The following CLPTM1L variants were observed in gnomAD, a reference collection of about 807,000 sequenced individuals.
The protein encoded by CLPTM1L is lipid scramblase CLPTM1L.
In CLPTM1L, 38 loss-of-function variants were observed where a neutral mutation model predicts 70.9. That is an observed-to-expected ratio of 0.54 (90% confidence interval 0.41 to 0.70). The LOEUF is 0.70. Among genes scored for constraint, CLPTM1L ranks in the 30% least tolerant of loss-of-function variants. CLPTM1L has a pLI of 0.00. For synonymous variants in CLPTM1L, 339 were observed against 299.9 expected (o/e 1.13, Z -1.35); for missense variants, 652 against 705.9 (o/e 0.92, Z 0.87).
chr5:1,336,893 C>A (rs2111246891), intron 5 of CLPTM1L, among the ~76,000 whole-genome samples: 1 of 152,298 alleles, frequency 6.6e-6, no homozygotes, highest in East Asian at 1.9e-4. Context: ...GGCAGCAGGG[C>A]CTGGGCAGAG....
rs369681140 is a variant in CLPTM1L at position 1,325,082 on chromosome 5, G to C, written c.1147-269C>G. ...CCTTGCTCAGGTGGCTCAGTTTTCA[G>C]TGCCACCGCTTCAGTGAGAACACTG... On this transcript the variant is annotated intron_variant, in intron 10 of 16. Transcript: ENST00000320895. 2.5e-5 allele frequency: 14 copies of C among 565,120 alleles called. No individual in the cohort carries two copies. The East Asian group carries it at 4.1e-4, about 16-fold the overall frequency. 35.0% of individuals were successfully genotyped at this position (565,120 alleles called of 1,614,324 possible).
rs761365241 is a variant in CLPTM1L, at chr5:1,337,850, C to T, written c.678+54G>A. 100 of 1,431,982 alleles carry T rather than the reference C, an allele frequency of 7.0e-5. 1 individual carries two copies. The highest frequency in any genetic ancestry group is 8.8e-5 in the Non-Finnish European group (91 of 1,033,040). The allele number at this position is 1,431,982 out of a possible 1,614,324, so 88.7% of individuals were successfully genotyped here. ...AGGGTGCAGGGGCTGCGGGGCCAGT[C>T]TTGGGGTCAGTGTCTCGCCAGCTGC... On this transcript the variant is annotated intron_variant, in intron 5 of 16. Transcript: ENST00000320895.
chr5:1,337,764 G>T (rs1579650416), intron 5 of CLPTM1L, 140 bp downstream of exon 5: 1 of 723,714 alleles, frequency 1.4e-6, no homozygotes. Context: ...ACACTCGAAG[G>T]CAGTGCTTCC....
intron 7 of CLPTM1L, chr5:1,332,414 T>TA (rs1753154912): frequency 6.5e-6 from 1 of 153,102 alleles, no homozygotes; most frequent in African/African-American, 2.4e-5. Flanking sequence ...ATCTCATCCT[T>TA]AGAGACACTG....
rs991281604 is a variant in CLPTM1L at position 1,341,850 on chromosome 5, C to T, written c.274G>A (p.Val92Ile). ...TTTCTCGTTTTCTTTGGTACAGAAA[C>T]ATTAACTGTCCTGAAACAGAACAAT... ...VESKFERTVNVSVPKKTRNNG... is the reference protein window; with the variant it reads ...VESKFERTVNISVPKKTRNNG... Residue 92 changes from valine to isoleucine, a missense_variant, in exon 3 of 17, where the codon GTT (valine) becomes ATT (isoleucine). Coordinates refer to ENST00000320895, the MANE Select transcript of CLPTM1L (RefSeq NM_030782.5). 8.3e-5 allele frequency: 134 copies of T among 1,612,248 alleles called. No individual in the cohort carries two copies. The highest frequency in any genetic ancestry group is 1.1e-4 in the Non-Finnish European group (131 of 1,178,494).
intron 9 of CLPTM1L, among the ~76,000 whole-genome samples, chr5:1,328,920 AGCTCCTCCTCTACAGGGACATTCCATC>A: frequency 2.0e-5 from 3 of 150,392 alleles, no homozygotes; most frequent in African/African-American, 7.5e-5. Context: ...CATTTCATCC[AGCTCCTCCTCTACAGGGACATTCCATC>A]CAGCTCCTCC....
In CLPTM1L at chr5:1,344,929, C is replaced by G; in HGVS notation, c.-88G>C. The G allele has an allele frequency of 2.5e-6, 2 of 785,570 alleles. No individual in the cohort carries two copies. Among genetic ancestry groups the G allele is most frequent in the Non-Finnish European group, 3.1e-6 (2 of 649,936 alleles). 48.7% of individuals were successfully genotyped at this position (785,570 alleles called of 1,614,324 possible). ...GCGCCCAGCCCGCCGCTCCGGGCTCCGCCGCTCACTGGAGAGCCGCCGCGC... is the reference window on the plus strand; with the variant it reads ...GCGCCCAGCCCGCCGCTCCGGGCTCGGCCGCTCACTGGAGAGCCGCCGCGC... On this transcript the variant is annotated 5_prime_UTR_variant, in exon 1 of 17. Transcript: ENST00000320895.
At chr5:1,338,663 T>C (rs905968499) in intron 4 of CLPTM1L, among the ~76,000 whole-genome samples, 197 bp downstream of exon 4, 4 of 152,220 alleles carry the variant, frequency 2.6e-5, no homozygotes, top group Admixed American at 1.3e-4. Flanking sequence ...CCAGCTTGAA[T>C]TCCTTTCTCC....
rs775969701 is a variant in CLPTM1L, at chr5:1,330,373, G to A, written c.987C>T (p.Arg329=). The A allele has an allele frequency of 1.2e-6, 2 of 1,612,802 alleles. No homozygotes were observed. Among genetic ancestry groups the A allele is most frequent in the East Asian group, 2.2e-5 (1 of 44,870 alleles). Residue 329 remains arginine (R), a synonymous_variant, in exon 9 of 17, where the codon CGC becomes CGT. Transcript: ENST00000320895. ...IGMSTKAVLW[R]CFSTVVIFLF... ...GAAAGATGACCACGGTGCTGAAGCAGCGCCAGAGCACTGGGGACAGGATGG... is the reference window on the plus strand; with the variant it reads ...GAAAGATGACCACGGTGCTGAAGCAACGCCAGAGCACTGGGGACAGGATGG...
intron 7 of CLPTM1L, among the ~76,000 whole-genome samples, chr5:1,333,222 C>G (rs796974572): frequency 2.2e-4 from 4 of 18,146 alleles, no homozygotes; most frequent in Admixed American, 6.8e-4. Context: ...GTAGACACAC[C>G]GGATAAGGGG....
chr5:1,339,938 T>C (rs1048681914), intron 3 of CLPTM1L, among the ~76,000 whole-genome samples: 2 of 147,594 alleles, frequency 1.4e-5, no homozygotes, highest in Non-Finnish European at 3.0e-5. Flanking sequence ...GCCACGCACA[T>C]GGAAAAACCG....
rs374915795 is a variant in CLPTM1L at position 1,337,885 on chromosome 5, G to A, written c.678+19C>T. On this transcript the variant is annotated intron_variant, in intron 5 of 16. Coordinates refer to ENST00000320895, the MANE Select transcript of CLPTM1L (RefSeq NM_030782.5). ...GTGTCTCGCCAGCTGCACAACCAGC[G>A]GGCAGAGGTGTCACTCACCATCAGG... is the stretch of plus-strand genomic sequence containing the variant. 99 of 1,571,210 alleles carry A rather than the reference G, an allele frequency of 6.3e-5. No homozygotes were observed. Among genetic ancestry groups the A allele is most frequent in the Admixed American group, 7.7e-5 (4 of 51,956 alleles).
intron 7 of CLPTM1L, among the ~76,000 whole-genome samples, chr5:1,333,927 G>A (rs1055749342): frequency 4.6e-5 from 7 of 152,118 alleles, no homozygotes; most frequent in African/African-American, 1.4e-4. Context: ...GGCTCTGCAT[G>A]GGGTCGGGGC....
At chr5:1,343,077 G>A (rs547798692) in intron 2 of CLPTM1L, among the ~76,000 whole-genome samples, 1 of 152,296 alleles carries the variant, frequency 6.6e-6, no homozygotes, top group African/African-American at 2.4e-5. Flanking sequence ...TGTAGTCTCA[G>A]CTACTTTGGA....
At chr5:1,324,144 C>CACA (rs1752360221) in intron 11 of CLPTM1L, 2 of 474,296 alleles carry the variant, frequency 4.2e-6, no homozygotes, top group Non-Finnish European at 7.4e-6. Context: ...CCAACCAACC[C>CACA]ACAACAGATC....
intron 9 of CLPTM1L, among the ~76,000 whole-genome samples, chr5:1,328,965 A>G (rs1419736571): frequency 8.6e-5 from 13 of 151,628 alleles, no homozygotes; most frequent in East Asian, 1.9e-4. Flanking sequence ...TCCTCTACAG[A>G]CACATTTCAT....
Position 1,324,134 on chromosome 5 carries a change from C to T in CLPTM1L, c.1198-265G>A, listed in dbSNP as rs537035207. 221 of 523,526 alleles carry T rather than the reference C, an allele frequency of 4.2e-4. 3 individuals carry two copies. The South Asian group carries it at 6.0e-3, about 14-fold the overall frequency. The allele number at this position is 523,526 out of a possible 1,614,324, so 32.4% of individuals were successfully genotyped here. On this transcript the variant is annotated intron_variant, in intron 11 of 16. Coordinates refer to ENST00000320895, the MANE Select transcript of CLPTM1L (RefSeq NM_030782.5). ...ATAGATCAATTCTGGTTGGTCAAAA[C>T]CAACCAACCCACAACAGATCAATAA...
At position 1,318,581 on chromosome 5, in the gene CLPTM1L, A is replaced by T; in HGVS notation, c.1533-128T>A. ...AGTGAGCAAATTAACTAAAAAGTCG[A>T]ATCCTCAGAAGTTTTACTGCCGAGG... On this transcript the variant is annotated intron_variant, in intron 16 of 16. Coordinates refer to ENST00000320895, the MANE Select transcript of CLPTM1L (RefSeq NM_030782.5). This position sits in a 1 kb window ranked among gnomAD's most constrained non-coding sequence, Gnocchi z 8.9. The T allele has an allele frequency of 1.4e-6, 1 of 739,704 alleles. No individual in the cohort carries two copies. Among genetic ancestry groups the T allele is most frequent in the South Asian group, 1.8e-5 (1 of 56,316 alleles). 45.8% of individuals were successfully genotyped at this position (739,704 alleles called of 1,614,324 possible).
rs1427160037 is a variant in CLPTM1L, at chr5:1,325,949, C to A, written c.1081-133G>T. 6 of 724,588 alleles carry A rather than the reference C, an allele frequency of 8.3e-6. No homozygotes were observed. The African/African-American group carries it at 8.8e-5, about 11-fold the overall frequency. 44.9% of individuals were successfully genotyped at this position (724,588 alleles called of 1,614,324 possible). On this transcript the variant is annotated intron_variant, in intron 9 of 16. Coordinates refer to ENST00000320895, the MANE Select transcript of CLPTM1L (RefSeq NM_030782.5). The stretch of plus-strand genomic sequence containing the variant: ...AGCCCACTGTCCTCTTCCTGTCCCT[C>A]CCACAGCTCAGGCCAGAGCGCTGGA...
Sources: gnomAD v4.1 joint callset for allele counts (sites outside exome capture counted in the v4.1 genomes callset) on GRCh38, gnomAD v4.1.1 for gene constraint, Gnocchi (gnomAD v3.1) non-coding constraint, MANE v1.5 for transcripts, NCBI Gene and HGNC (gene_info 2026-07-23, HGNC 2026-07-21) for gene names.